Variants in CHIC2 observed in about 807,000 individuals in gnomAD.
CHIC2 encodes the protein cysteine-rich hydrophobic domain-containing protein 2.
CHIC2 carries 14 observed loss-of-function variants against 25.9 expected under a neutral mutation model. That is an observed-to-expected ratio of 0.54 (90% CI 0.36 to 0.85). The LOEUF (loss-of-function observed/expected upper bound fraction) is 0.85, where lower values mean the gene tolerates loss of function less well. Among genes scored for constraint, CHIC2 ranks in the 40% least tolerant of loss-of-function variants. The pLI, the probability that CHIC2 is intolerant of heterozygous loss-of-function variation, is 0.01. For synonymous variants in CHIC2, 70 were observed against 72.0 expected (o/e 0.97, Z 0.14); for missense variants, 146 against 202.0 (o/e 0.72, Z 1.68).
chr4:54,054,252 A>G (rs1186998527), intron 1 of CHIC2, among the ~76,000 whole-genome samples: 1 of 152,224 alleles, frequency 6.6e-6, no homozygotes, highest in Non-Finnish European at 1.5e-5. Context: ...GTTCAAGTCC[A>G]TCTAATCCTC....
At chr4:54,081,719 CTGTTGTTGT>C in the CHIC2 span, among the ~76,000 whole-genome samples, 1 of 151,712 alleles carries the variant, frequency 6.6e-6, no homozygotes, top group African/African-American at 2.4e-5. Flanking sequence ...TTGCTTGTTG[CTGTTGTTGT>C]TGTTGTTGTT....
chr4:54,082,160 A>G, the CHIC2 span, among the ~76,000 whole-genome samples: 1 of 152,224 alleles, frequency 6.6e-6, no homozygotes, highest in South Asian at 2.1e-4. Flanking sequence ...GCATTGATAT[A>G]CCATTTTTCC....
intron 1 of CHIC2, among the ~76,000 whole-genome samples, chr4:54,052,680 T>G (rs189412706): frequency 3.0e-4 from 46 of 152,308 alleles, no homozygotes; most frequent in Admixed American, 1.2e-3. Flanking sequence ...GCATCTTAAT[T>G]CAGTTATCTA....
the CHIC2 span, among the ~76,000 whole-genome samples, chr4:54,070,204 T>TA: frequency 4.9e-4 from 74 of 151,890 alleles, no homozygotes; most frequent in Non-Finnish European, 8.4e-4. Context: ...TCAAATGAGG[T>TA]AAAAAACAAA....
intron 3 of CHIC2, among the ~76,000 whole-genome samples, chr4:54,047,055 T>A (rs375493309): frequency 6.6e-6 from 1 of 152,106 alleles, no homozygotes; most frequent in Admixed American, 6.6e-5. Flanking sequence ...AAAATGCTCA[T>A]CATCACTGGC....
the CHIC2 span, among the ~76,000 whole-genome samples, chr4:54,081,994 ATG>A: frequency 6.6e-6 from 1 of 152,222 alleles, no homozygotes; most frequent in Admixed American, 6.5e-5. Context: ...TAAGATAACT[ATG>A]TGTGCCATGG....
At chr4:54,075,747 T>C in the CHIC2 span, among the ~76,000 whole-genome samples, 3 of 152,024 alleles carry the variant, frequency 2.0e-5, no homozygotes, top group Admixed American at 1.3e-4. Flanking sequence ...AGAGATGAGG[T>C]TTCACCATTT....
chr4:54,042,591 C>T (rs1251861949), intron 3 of CHIC2, among the ~76,000 whole-genome samples: 2 of 152,118 alleles, frequency 1.3e-5, no homozygotes, highest in Admixed American at 6.5e-5. Context: ...TTCTGGGTTA[C>T]ATGATGGCAA....
At chr4:54,055,167 T>G (rs1717137303) in intron 1 of CHIC2, among the ~76,000 whole-genome samples, 1 of 152,082 alleles carries the variant, frequency 6.6e-6, no homozygotes, top group African/African-American at 2.4e-5. Context: ...TTAGATGGAT[T>G]CTTGCTATGT....
intron 1 of CHIC2, among the ~76,000 whole-genome samples, chr4:54,052,027 G>A (rs1484261105): frequency 6.6e-6 from 1 of 152,092 alleles, no homozygotes; most frequent in Non-Finnish European, 1.5e-5. Flanking sequence ...CATATAGCAT[G>A]CTTTCTCCTG....
At chr4:54,021,351 T>C (rs763325281) in intron 3 of CHIC2, among the ~76,000 whole-genome samples, 29 of 152,044 alleles carry the variant, frequency 1.9e-4, no homozygotes, top group Admixed American at 5.9e-4. Flanking sequence ...TCCCAAATCT[T>C]TCTTCTTTCT....
At chr4:54,033,013 C>A (rs1716282000) in intron 3 of CHIC2, among the ~76,000 whole-genome samples, 3 of 152,282 alleles carry the variant, frequency 2.0e-5, no homozygotes, top group African/African-American at 4.8e-5. Flanking sequence ...CTCTCCCAAC[C>A]CCCTTGCTCC....
intron 3 of CHIC2, among the ~76,000 whole-genome samples, chr4:54,023,166 A>G (rs911520697): frequency 2.0e-5 from 3 of 152,040 alleles, no homozygotes; most frequent in African/African-American, 7.2e-5. Flanking sequence ...CCTTTTCATT[A>G]CACACAGCCA....
upstream of CHIC2, among the ~76,000 whole-genome samples, chr4:54,068,229 C>G (rs1717556485): frequency 6.6e-6 from 1 of 152,054 alleles, no homozygotes; most frequent in South Asian, 2.1e-4. Flanking sequence ...TTACATCCCC[C>G]CAAATTTGTA....
At chr4:54,048,092 G>A (rs1233749972) in intron 3 of CHIC2, among the ~76,000 whole-genome samples, 2 of 152,052 alleles carry the variant, frequency 1.3e-5, no homozygotes, top group Non-Finnish European at 2.9e-5. Context: ...AGGTTCAAGC[G>A]ATTCTCCTGC....
chr4:54,026,902 C>T (rs148574914), intron 3 of CHIC2, among the ~76,000 whole-genome samples: 3 of 152,162 alleles, frequency 2.0e-5, no homozygotes, highest in East Asian at 1.9e-4. Context: ...ATTTCAAGGC[C>T]ATTCATGATT....
intron 5 of CHIC2, among the ~76,000 whole-genome samples, chr4:54,010,713 C>T (rs1342978330): frequency 1.3e-5 from 2 of 152,074 alleles, no homozygotes; most frequent in African/African-American, 2.4e-5. Flanking sequence ...TACCACCCTA[C>T]GTGACTGCAG....
At chr4:54,038,497 T>A (rs1459404367) in intron 3 of CHIC2, among the ~76,000 whole-genome samples, 1 of 152,198 alleles carries the variant, frequency 6.6e-6, no homozygotes, top group African/African-American at 2.4e-5. Flanking sequence ...ACATGGAGAC[T>A]ATGTCATGTT....
At chr4:54,010,608 G>A (rs1392416748) in intron 5 of CHIC2, among the ~76,000 whole-genome samples, 1 of 152,094 alleles carries the variant, frequency 6.6e-6, no homozygotes, top group Non-Finnish European at 1.5e-5. Flanking sequence ...TTTCACAGAT[G>A]AGGAAACTGA....
Sources: gnomAD v4.1 joint callset for allele counts (sites outside exome capture counted in the v4.1 genomes callset) on GRCh38, gnomAD v4.1.1 for gene constraint, MANE v1.5 for transcripts, NCBI Gene and HGNC (gene_info 2026-07-23, HGNC 2026-07-21) for gene names.